SPMIP2: variants seen among roughly 807,000 people sequenced by gnomAD.
The protein encoded by SPMIP2 is protein SPMIP2.
chr4:159,024,590 T>A, the SPMIP2 span, among the ~76,000 whole-genome samples: 5 of 152,192 alleles, frequency 3.3e-5, no homozygotes, highest in Non-Finnish European at 2.9e-5. Context: ...AAATGACGCC[T>A]GTAGTTAAAA....
the SPMIP2 span, among the ~76,000 whole-genome samples, chr4:159,075,203 CAG>C: frequency 6.6e-6 from 1 of 152,102 alleles, no homozygotes; most frequent in South Asian, 2.1e-4. Context: ...GAGGGTCAAA[CAG>C]AAAATTTGCA....
the SPMIP2 span, among the ~76,000 whole-genome samples, chr4:158,957,025 G>A: frequency 6.6e-6 from 1 of 151,290 alleles, no homozygotes; most frequent in Non-Finnish European, 1.5e-5. Flanking sequence ...TCCACCTCCC[G>A]GGTTCAAGTG....
the SPMIP2 span, among the ~76,000 whole-genome samples, chr4:159,018,095 C>T: frequency 6.6e-6 from 1 of 152,156 alleles, no homozygotes. Flanking sequence ...GTGGTTTGCA[C>T]TGAAACTGGT....
At chr4:159,022,160 T>G in the SPMIP2 span, among the ~76,000 whole-genome samples, 9 of 152,204 alleles carry the variant, frequency 5.9e-5, no homozygotes, top group African/African-American at 2.2e-4. Context: ...TATTATTTCC[T>G]TGCAATGAAC....
At chr4:158,931,501 C>A in the SPMIP2 span, among the ~76,000 whole-genome samples, 1 of 152,074 alleles carries the variant, frequency 6.6e-6, no homozygotes, top group Admixed American at 6.5e-5. Flanking sequence ...AGGTGATCCA[C>A]CTGCCTCGGT....
At chr4:159,018,268 C>T in the SPMIP2 span, among the ~76,000 whole-genome samples, 2 of 152,186 alleles carry the variant, frequency 1.3e-5, no homozygotes, top group Non-Finnish European at 2.9e-5. Flanking sequence ...CCCCTGGGGA[C>T]TGCTGTTGTA....
At chr4:158,988,604 A>C in the SPMIP2 span, among the ~76,000 whole-genome samples, 17 of 152,336 alleles carry the variant, frequency 1.1e-4, no homozygotes, top group East Asian at 7.7e-4. Flanking sequence ...CAATAAAAGT[A>C]ATCCATCACA....
At chr4:158,918,364 T>C in the SPMIP2 span, among the ~76,000 whole-genome samples, 1 of 152,208 alleles carries the variant, frequency 6.6e-6, no homozygotes, top group Non-Finnish European at 1.5e-5. Context: ...TATTTACAAG[T>C]ACAGATTAAT....
the SPMIP2 span, among the ~76,000 whole-genome samples, chr4:159,014,122 T>C: frequency 6.6e-6 from 1 of 152,156 alleles, no homozygotes; most frequent in East Asian, 1.9e-4. Context: ...AAGAAAAGAA[T>C]GAGAAAAGCA....
chr4:158,954,616 TA>T, the SPMIP2 span, among the ~76,000 whole-genome samples: 1 of 152,134 alleles, frequency 6.6e-6, no homozygotes, highest in Non-Finnish European at 1.5e-5. Context: ...ACTACCAAAA[TA>T]AGAAGTTGTA....
chr4:158,982,621 C>CT, the SPMIP2 span, among the ~76,000 whole-genome samples: 3 of 152,208 alleles, frequency 2.0e-5, no homozygotes, highest in Admixed American at 2.0e-4. Context: ...TCCTGAATGA[C>CT]TACTGGGTAA....
chr4:158,996,827 C>T, the SPMIP2 span, among the ~76,000 whole-genome samples: 1 of 152,186 alleles, frequency 6.6e-6, no homozygotes, highest in African/African-American at 2.4e-5. Context: ...CAGATAAATT[C>T]CTCTCTCATT....
chr4:158,957,097 C>CT, the SPMIP2 span, among the ~76,000 whole-genome samples: 1 of 151,962 alleles, frequency 6.6e-6, no homozygotes, highest in African/African-American at 2.4e-5. Context: ...AAGCCTGGCC[C>CT]TGGCTGATCT....
chr4:158,915,406 A>G, the SPMIP2 span: 5 of 1,459,208 alleles, frequency 3.4e-6, no homozygotes, highest in East Asian at 1.2e-4. Flanking sequence ...AGCTAGAAAC[A>G]AGGCCACCAG....
the SPMIP2 span, among the ~76,000 whole-genome samples, chr4:158,902,328 A>G: frequency 3.2e-4 from 48 of 152,158 alleles, 1 homozygote; most frequent in Non-Finnish European, 6.3e-4. Context: ...GTAGAACAGC[A>G]AAGATTGCTG....
At chr4:159,069,738 A>T in the SPMIP2 span, among the ~76,000 whole-genome samples, 1 of 152,172 alleles carries the variant, frequency 6.6e-6, no homozygotes, top group East Asian at 1.9e-4. Context: ...TCCTTTGTAC[A>T]TGATACATAT....
chr4:159,067,330 C>T, the SPMIP2 span, among the ~76,000 whole-genome samples: 6 of 152,042 alleles, frequency 3.9e-5, no homozygotes, highest in East Asian at 1.9e-4. Context: ...GTGCAATGTC[C>T]GCCTCCTGGG....
the SPMIP2 span, among the ~76,000 whole-genome samples, chr4:158,994,984 G>A: frequency 6.6e-6 from 1 of 152,304 alleles, no homozygotes; most frequent in East Asian, 1.9e-4. Context: ...TGAAAGGCTA[G>A]GTTTGTCAAA....
At chr4:158,951,315 C>T in the SPMIP2 span, among the ~76,000 whole-genome samples, 3 of 152,270 alleles carry the variant, frequency 2.0e-5, 1 homozygote, top group South Asian at 6.2e-4. Flanking sequence ...GCATAGCCCA[C>T]GACACACCTA....
Sources: gnomAD v4.1 joint callset for allele counts (sites outside exome capture counted in the v4.1 genomes callset) on GRCh38, gnomAD v4.1.1 for gene constraint, MANE v1.5 for transcripts, NCBI Gene and HGNC (gene_info 2026-07-23, HGNC 2026-07-21) for gene names.